The following NCSTN variants were observed in gnomAD, a reference collection of about 807,000 sequenced individuals.
NCSTN encodes the protein anterior pharynx-defective 2.
NCSTN carries 22 observed loss-of-function variants against 87.0 expected under a neutral mutation model. That is an observed-to-expected ratio of 0.25 (90% CI 0.18 to 0.36). The LOEUF is 0.36. NCSTN is among the 10% of genes least tolerant of loss of function. The pLI is 1.00. For missense variants in NCSTN, 693 were observed against 883.3 expected (o/e 0.78, Z 2.73); for synonymous variants, 306 against 327.1 (o/e 0.94, Z 0.69).
In NCSTN at chr1:160,356,313, G is replaced by C; in HGVS notation, c.1605G>C (p.Gln535His). 1 of 1,613,892 alleles carries C rather than the reference G, an allele frequency of 6.2e-7. No homozygotes were observed. Among genetic ancestry groups the C allele is most frequent in the Non-Finnish European group, 8.5e-7 (1 of 1,179,726 alleles). Residue 535 changes from glutamine (Q) to histidine (H), a missense_variant, in exon 14 of 17, where the codon CAG becomes CAC. By Grantham distance (24) the Gln-to-His change is conservative. Transcript: ENST00000294785. Reference sequence around the variant, plus strand: ...TTAAAGCCAACAACTCATGGTTCCAGTCTATCCTCAGGCAGGACCTAAGGT... The same window carrying C: ...TTAAAGCCAACAACTCATGGTTCCACTCTATCCTCAGGCAGGACCTAAGGT... ...FLIKANNSWFQSILRQDLRSY... is the reference protein window; with the variant it reads ...FLIKANNSWFHSILRQDLRSY...
At chr1:160,345,291 C>T (rs1648409752) in intron 2 of NCSTN, 1 of 216,874 alleles carries the variant, frequency 4.6e-6, no homozygotes, top group South Asian at 5.9e-5. Context: ...CTTCTAGGTT[C>T]AAGTGATTCT....
At position 160,354,268 on chromosome 1, in the gene NCSTN, C is replaced by T. The variant is rs562495755; in HGVS notation, c.1330C>T (p.His444Tyr). The change falls in exon 11 of 17, where the codon CAC becomes TAC. Residue 444 changes from histidine (H) to tyrosine (Y), a missense_variant. Around this residue, in one of 4 missense-constraint regions of NCSTN, gnomAD observed 108 missense variants for 111.6 expected, o/e 0.97. Coordinates refer to ENST00000294785, the MANE Select transcript of NCSTN (RefSeq NM_015331.3). ...RNISGVVLAD[H>Y]SGAFHNKYYQ... ...CATCTCTGGCGTTGTTCTGGCTGACCACTCTGGTGCCTTCCATAACAAGTA... is the reference window on the plus strand; with the variant it reads ...CATCTCTGGCGTTGTTCTGGCTGACTACTCTGGTGCCTTCCATAACAAGTA... 1 of 1,614,116 alleles carries T rather than the reference C, an allele frequency of 6.2e-7. No homozygotes were observed. Among genetic ancestry groups the T allele is most frequent in the South Asian group, 1.1e-5 (1 of 91,064 alleles).
chr1:160,356,341 T>C lies in NCSTN; in HGVS notation c.1633T>C (p.Tyr545His). Residue 545 changes from tyrosine (Y) to histidine (H), a missense_variant, in exon 14 of 17, where the codon TAC becomes CAC. Physicochemically the swap from Tyr to His is moderately conservative, Grantham distance 83. Around this residue, in one of 4 missense-constraint regions of NCSTN, gnomAD observed 216 missense variants for 311.7 expected, o/e 0.69. Transcript: ENST00000294785. ...TATCCTCAGGCAGGACCTAAGGTCCTACTTGGGTAAGCATCTGGTGTGGGA... is the reference window on the plus strand; with the variant it reads ...TATCCTCAGGCAGGACCTAAGGTCCCACTTGGGTAAGCATCTGGTGTGGGA... ...QSILRQDLRS[Y>H]LGDGPLQHYI... 1 of 1,608,574 alleles carries C rather than the reference T, an allele frequency of 6.2e-7. No individual in the cohort carries two copies. Among genetic ancestry groups the C allele is most frequent in the Non-Finnish European group, 8.5e-7 (1 of 1,174,848 alleles).
Position 160,343,456 on chromosome 1 carries a change from T to C in NCSTN, c.60T>C (p.Leu20=). Residue 20 remains leucine (L), a synonymous_variant, in exon 1 of 17, where the codon CTT becomes CTC. Transcript: ENST00000294785. ...CGGGAAGTCGGGGTCTCCTTCGCCT[T>C]CTGTCTTTCTGCGTCCTACTAGCAG... ...ADPGSRGLLR[L]LSFCVLLAGL... 2.5e-6 allele frequency: 4 copies of C among 1,611,128 alleles called. No individual in the cohort carries two copies. Among genetic ancestry groups the C allele is most frequent in the Non-Finnish European group, 3.4e-6 (4 of 1,179,104 alleles).
At chr1:160,351,843 C>T (rs368412577) in intron 7 of NCSTN, 38 bp downstream of exon 7, 2 of 1,541,926 alleles carry the variant, frequency 1.3e-6, no homozygotes, top group Non-Finnish European at 1.8e-6. Flanking sequence ...GCAGGGCTGG[C>T]ACAAAAAGAG....
intron 7 of NCSTN, 34 bp downstream of exon 7, chr1:160,351,839 C>T (rs200362821): frequency 6.2e-5 from 96 of 1,552,466 alleles, no homozygotes; most frequent in Admixed American, 1.0e-4. Context: ...ATGGGCAGGG[C>T]TGGCACAAAA....
intron 13 of NCSTN, 133 bp from the exon 14 acceptor site, chr1:160,356,127 C>A: frequency 9.8e-7 from 1 of 1,017,046 alleles, no homozygotes; most frequent in Non-Finnish European, 1.5e-6. Context: ...TCTTATGAGC[C>A]AGCTACTGTC....
In NCSTN at chr1:160,349,068, C is replaced by T; in HGVS notation, c.260C>T (p.Thr87Ile). Residue 87 changes from threonine to isoleucine, a missense_variant, in exon 3 of 17, where the codon ACT (threonine) becomes ATT (isoleucine). By Grantham distance (89) the Thr-to-Ile change is moderately conservative. This residue lies in a region of NCSTN where 235 missense variants were observed against 233.9 expected (regional missense o/e 1.00). Transcript: ENST00000294785. ...EKEEDLQWVL[T>I]DGPNPPYMVL... ...GAGGAGGACCTACAGTGGGTATTGA[C>T]TGATGGCCCCAACCCCCCTTACATG... The T allele has an allele frequency of 6.2e-7, 1 of 1,614,172 alleles. No homozygotes were observed. The highest frequency in any genetic ancestry group is 1.3e-5 in the African/African-American group (1 of 75,048).
chr1:160,346,807 A>G (rs1048152142), intron 2 of NCSTN, among the ~76,000 whole-genome samples: 1 of 151,950 alleles, frequency 6.6e-6, no homozygotes, highest in African/African-American at 2.4e-5. Flanking sequence ...GGGCTTCACC[A>G]TGTTGGCCAG....
At chr1:160,355,357 C>T (rs1649073438) in intron 11 of NCSTN, among the ~76,000 whole-genome samples, 1 of 152,188 alleles carries the variant, frequency 6.6e-6, no homozygotes, top group African/African-American at 2.4e-5. Flanking sequence ...TTAGCCATCC[C>T]CCATATCTCC....
At chr1:160,346,389 T>G (rs145657068) in intron 2 of NCSTN, among the ~76,000 whole-genome samples, 39 of 152,322 alleles carry the variant, frequency 2.6e-4, no homozygotes, top group African/African-American at 8.9e-4. Flanking sequence ...GTCTCAAAAG[T>G]GCTGTATAAT....
At chr1:160,357,003 T>C (rs1649163773) in intron 15 of NCSTN, 38 bp from the exon 16 acceptor site, 1 of 1,563,170 alleles carries the variant, frequency 6.4e-7, no homozygotes, top group Non-Finnish European at 8.8e-7. Context: ...GAGAAGAGGA[T>C]CACCCTAGCC....
At chr1:160,348,693 G>T (rs1241289688) in intron 2 of NCSTN, among the ~76,000 whole-genome samples, 2 of 152,222 alleles carry the variant, frequency 1.3e-5, no homozygotes, top group Non-Finnish European at 2.9e-5. Flanking sequence ...GAAAACTTTG[G>T]TGTCTATTGT....
In NCSTN at chr1:160,357,077, T is replaced by G; in HGVS notation, c.1831T>G (p.Ser611Ala). The G allele has an allele frequency of 6.2e-7, 1 of 1,614,006 alleles. No individual in the cohort carries two copies. The highest frequency in any genetic ancestry group is 8.5e-7 in the Non-Finnish European group (1 of 1,179,956). The change falls in exon 16 of 17, where the codon TCT (serine) becomes GCT (alanine). Residue 611 changes from serine (S) to alanine (A), a missense_variant. By Grantham distance (99) the Ser-to-Ala change is moderately conservative. Around this residue, in one of 4 missense-constraint regions of NCSTN, gnomAD observed 216 missense variants for 311.7 expected, o/e 0.69. Coordinates refer to ENST00000294785, the MANE Select transcript of NCSTN (RefSeq NM_015331.3). ...CTCATGGGTCCAGGGCCCTTTGCAT[T>G]CTAATGAGACGGACCGACTCCCCCG... ...EYSWVQGPLH[S>A]NETDRLPRCV...
At chr1:160,358,032 T>C in intron 16 of NCSTN, 117 bp from the exon 17 acceptor site, 2 of 1,303,264 alleles carry the variant, frequency 1.5e-6, no homozygotes, top group Non-Finnish European at 2.2e-6. Context: ...ATTCCATAGT[T>C]GGTGCTTAGA....
intron 10 of NCSTN, 97 bp from the exon 11 acceptor site, chr1:160,354,021 C>A: frequency 1.5e-6 from 2 of 1,302,540 alleles, no homozygotes; most frequent in Non-Finnish European, 1.1e-6. Flanking sequence ...GCTCCCCAAG[C>A]AGGGAACTTG....
rs774256816 is a variant in NCSTN, at chr1:160,351,254, C to T, written c.615C>T (p.Gly205=). Residue 205 remains glycine (G), a synonymous_variant, in exon 6 of 17, where the codon GGC becomes GGT. Coordinates refer to ENST00000294785, the MANE Select transcript of NCSTN (RefSeq NM_015331.3). ...CYQDHNLSQN[G]SAPTFPLCAM... ...AAGATCACAACCTGAGTCAGAATGG[C>T]TCAGCACCAACCTTCCCACTATGTG... 6.2e-7 allele frequency: 1 copy of T among 1,614,204 alleles called. No homozygotes were observed. The highest frequency in any genetic ancestry group is 1.3e-5 in the African/African-American group (1 of 75,044).
intron 2 of NCSTN, among the ~76,000 whole-genome samples, chr1:160,348,135 G>A (rs1648615757): frequency 6.6e-6 from 1 of 152,188 alleles, no homozygotes; most frequent in Non-Finnish European, 1.5e-5. Context: ...AAGACTCACA[G>A]GGAGACCCTA....
intron 8 of NCSTN, 123 bp from the exon 9 acceptor site, chr1:160,352,764 A>G: frequency 1.3e-6 from 1 of 767,806 alleles, no homozygotes; most frequent in East Asian, 2.6e-5. Flanking sequence ...CTGTAAGCTG[A>G]CTAGCAGTTG....
Sources: gnomAD v4.1 joint callset for allele counts (sites outside exome capture counted in the v4.1 genomes callset) on GRCh38, gnomAD v4.1.1 for gene constraint, gnomAD v4.1.1 regional missense constraint, MANE v1.5 for transcripts, NCBI Gene and HGNC (gene_info 2026-07-23, HGNC 2026-07-21) for gene names.